Variants in SELE observed in about 807,000 individuals in gnomAD.
SELE encodes selectin E, also known as E-selectin.
Under a neutral mutation model 75.8 loss-of-function variants are expected in SELE, and 52 were observed. The ratio of observed to expected loss-of-function variants is 0.69; its 90% CI spans 0.55 to 0.86. The LOEUF (loss-of-function observed/expected upper bound fraction) is 0.86. Among genes scored for constraint, SELE ranks in the 40% least tolerant of loss-of-function variants. The pLI is 0.00. For synonymous variants in SELE, 285 were observed against 258.7 expected, an observed-to-expected ratio of 1.10 and a Z score of -0.98; for missense variants, 754 against 732.7, an observed-to-expected ratio of 1.03 and a Z score of -0.34.
chr1:169,726,155 G>A (rs949436305), intron 11 of SELE, among the ~76,000 whole-genome samples: 6 of 152,142 alleles, frequency 3.9e-5, no homozygotes, highest in African/African-American at 1.2e-4. Flanking sequence ...AAATAGCTAC[G>A]GGGTCATCTT....
At chr1:169,724,910 TA>T (rs533957708) in intron 13 of SELE, among the ~76,000 whole-genome samples, 11 of 152,318 alleles carry the variant, frequency 7.2e-5, no homozygotes, top group African/African-American at 2.6e-4. Context: ...TTTAATTTTT[TA>T]AAAAGTATTC....
chr1:169,733,670 TA>T lies in SELE; in HGVS notation c.-48-11del. The T allele has an allele frequency of 6.5e-7, 1 of 1,527,490 alleles. No homozygotes were observed. Among genetic ancestry groups the T allele is most frequent in the Non-Finnish European group, 9.1e-7 (1 of 1,101,484 alleles). The allele number at this position is 1,527,490 out of a possible 1,614,324, so 94.6% of individuals were successfully genotyped here. A position where few individuals can be genotyped will look rare whatever the true frequency, so the allele number is the denominator to read the frequency against. On this transcript the variant is annotated splice_polypyrimidine_tract_variant and intron_variant, in intron 1 of 13. Coordinates refer to ENST00000333360, the MANE Select transcript of SELE (RefSeq NM_000450.2). ...GGCTTGAAATACTTTCCTGGGGAGA[TA>T]AAACACAAAATGAATTAAAGAAGGA...
In SELE at chr1:169,727,912, G is replaced by C. The variant is rs750123573; in HGVS notation, c.1295C>G (p.Ala432Gly). The C allele has an allele frequency of 3.1e-6, 5 of 1,613,448 alleles. No individual in the cohort carries two copies. The East Asian group carries it at 1.1e-4, about 36-fold the overall frequency. The part of the protein sequence containing the change: ...KPTCEAVRCD[A>G]VHQPPKGLVR... ...CAAACCCTTCGGGGGCTGGTGGACA[G>C]CATCGCATCTCACAGCTGGAACACA... Residue 432 changes from alanine to glycine, a missense_variant, in exon 9 of 14, where the codon GCT becomes GGT. Ala to Gly is a moderately conservative substitution (Grantham distance 60). Transcript: ENST00000333360.
chr1:169,732,502 G>T, intron 3 of SELE, 113 bp downstream of exon 3: 1 of 1,302,888 alleles, frequency 7.7e-7, no homozygotes, highest in Non-Finnish European at 1.0e-6. Flanking sequence ...CAGTTAAACA[G>T]AATCTTTTGG....
At position 169,724,505 on chromosome 1, in the gene SELE, T is replaced by C. The variant is rs1187705527; in HGVS notation, c.*20A>G. ...ATCCCTCTAGTTCCCCAGATGCACC[T>C]GTTTCTGTAAATATAAACATGCATG... On this transcript the variant is annotated 3_prime_UTR_variant, in exon 14 of 14. Coordinates refer to ENST00000333360, the MANE Select transcript of SELE (RefSeq NM_000450.2). 3 of 152,224 alleles carry C rather than the reference T, an allele frequency of 2.0e-5. No individual in the cohort carries two copies. The highest frequency in any genetic ancestry group is 4.8e-5 in the African/African-American group (2 of 41,458). 9.4% of individuals were successfully genotyped at this position (152,224 alleles called of 1,614,324 possible).
In SELE at chr1:169,727,393, C is replaced by T; in HGVS notation, c.1601G>A (p.Cys534Tyr). The change falls in exon 10 of 14, where the codon TGT becomes TAT. Residue 534 changes from cysteine to tyrosine, a missense_variant. Coordinates refer to ENST00000333360, the MANE Select transcript of SELE (RefSeq NM_000450.2). ...WTLNGSAART[C>Y]GATGHWSGLL... ...GCCAGACCAGTGTCCTGTGGCTCCA[C>T]ATGTCCGAGCTGCAGAGCCATTGAG... The T allele has an allele frequency of 6.2e-7, 1 of 1,614,142 alleles. No homozygotes were observed. The highest frequency in any genetic ancestry group is 8.5e-7 in the Non-Finnish European group (1 of 1,179,996).
intron 7 of SELE, 23 bp downstream of exon 7, chr1:169,729,163 A>T: frequency 6.4e-7 from 1 of 1,564,176 alleles, no homozygotes; most frequent in East Asian, 2.3e-5. Flanking sequence ...AAGAAAGTAT[A>T]AATCGAAGGA....
chr1:169,733,205 C>T (rs1648961466), intron 2 of SELE, among the ~76,000 whole-genome samples: 1 of 152,176 alleles, frequency 6.6e-6, no homozygotes, highest in South Asian at 2.1e-4. Context: ...GGTACCTTAT[C>T]CACACTCACT....
chr1:169,733,405 C>G lies in SELE; in HGVS notation c.37+171G>C, dbSNP rs189769662. ...CTTTACACTTAAGGAAAGGGAGACA[C>G]CAAGAGGTAAAGTAAATGACCCCAA... On this transcript the variant is annotated intron_variant, in intron 2 of 13. Transcript: ENST00000333360. Among the ~76,000 whole-genome samples the G allele has an allele frequency of 9.9e-5, 15 of 152,224 alleles. No homozygotes were observed. In the East Asian group the frequency reaches 2.5e-3, roughly 26 times the overall value.
In SELE at chr1:169,727,556, C is replaced by G. The variant is rs1361128948; in HGVS notation, c.1469-31G>C. On this transcript the variant is annotated intron_variant, in intron 9 of 13. Transcript: ENST00000333360. Reference sequence around the variant, plus strand: ...AATGTTAGGTACACAGGCAGAGTTTCAGAAAAATCTACTGGAAAACTTCCA... The same window carrying G: ...AATGTTAGGTACACAGGCAGAGTTTGAGAAAAATCTACTGGAAAACTTCCA... 3.1e-6 allele frequency: 5 copies of G among 1,589,122 alleles called. No homozygotes were observed. In the Admixed American group the frequency reaches 5.3e-5, roughly 17 times the overall value.
intron 4 of SELE, 128 bp downstream of exon 4, chr1:169,731,707 C>T (rs1648915971): frequency 1.6e-6 from 1 of 615,160 alleles, no homozygotes; most frequent in African/African-American, 1.9e-5. Flanking sequence ...ATAGTCTCAG[C>T]TCACGATCAC....
rs1295376019 is a variant in SELE at position 169,726,720 on chromosome 1, G to A, written c.1732C>T (p.Leu578Phe). Residue 578 changes from leucine to phenylalanine, a missense_variant, in exon 11 of 14, where the codon CTT (leucine) becomes TTT (phenylalanine). Physicochemically the swap from Leu to Phe is conservative, Grantham distance 22. Coordinates refer to ENST00000333360, the MANE Select transcript of SELE (RefSeq NM_000450.2). ...LLTLAPFLLW[L>F]RKCLRKAKKF... ...TCACCTTTCCGTAAGCATTTCCGAA[G>A]CCAGAGGAGAAATGGTGCTAATGTC... 3.7e-6 allele frequency: 6 copies of A among 1,613,114 alleles called. No individual in the cohort carries two copies. The highest frequency in any genetic ancestry group is 2.7e-5 in the African/African-American group (2 of 75,012).
In SELE at chr1:169,732,814, G is replaced by C; in HGVS notation, c.222C>G (p.Ile74Met). ...SYSPSYYWIG[I>M]RKVNNVWVWV... ...AGACCCACACATTGTTGACTTTTCT[G>C]ATTCCAATCCAGTAATAACTTGGTG... The change falls in exon 3 of 14, where the codon ATC becomes ATG. Residue 74 changes from isoleucine to methionine, a missense_variant. By Grantham distance (10) the Ile-to-Met change is conservative (BLOSUM62 1). Transcript: ENST00000333360. 2 of 1,614,100 alleles carry C rather than the reference G, an allele frequency of 1.2e-6. No homozygotes were observed. Among genetic ancestry groups the C allele is most frequent in the Non-Finnish European group, 8.5e-7 (1 of 1,180,022 alleles).
chr1:169,726,452 T>A (rs538587680), intron 11 of SELE, among the ~76,000 whole-genome samples: 2 of 152,328 alleles, frequency 1.3e-5, no homozygotes, highest in South Asian at 4.1e-4. Context: ...AGGCATCATA[T>A]AATTCAACAT....
chr1:169,726,023 T>C (rs545685732), intron 11 of SELE, 95 bp from the exon 12 acceptor site: 1 of 1,419,710 alleles, frequency 7.0e-7, no homozygotes, highest in Non-Finnish European at 9.9e-7. Context: ...TCATCAAGTG[T>C]TGCAAACTCG....
chr1:169,730,788 A>T (rs1303355272), intron 4 of SELE, among the ~76,000 whole-genome samples, 171 bp from the exon 5 acceptor site: 1 of 152,110 alleles, frequency 6.6e-6, no homozygotes, highest in Non-Finnish European at 1.5e-5. Flanking sequence ...TTTATTCAAG[A>T]AAATGCTGAT....
chr1:169,733,765 G>A, intron 1 of SELE, 105 bp from the exon 2 acceptor site: 7 of 681,086 alleles, frequency 1.0e-5, no homozygotes, highest in South Asian at 3.5e-5. Context: ...TTTGGGCAAA[G>A]GACACTAGTG....
Position 169,733,639 on chromosome 1 carries a change from G to A in SELE, c.-27C>T. On this transcript the variant is annotated 5_prime_UTR_variant, in exon 2 of 14. Coordinates refer to ENST00000333360, the MANE Select transcript of SELE (RefSeq NM_000450.2). ...ACTTCAAGAGTTCTTTTCACCCAAA[G>A]GTTTAGGCTTGAAATACTTTCCTGG... 1.9e-6 allele frequency: 3 copies of A among 1,612,138 alleles called. No individual in the cohort carries two copies. The South Asian group carries it at 3.3e-5, about 18-fold the overall frequency.
intron 8 of SELE, 50 bp downstream of exon 8, chr1:169,728,008 T>A: frequency 6.3e-7 from 1 of 1,581,902 alleles, no homozygotes; most frequent in Non-Finnish European, 8.6e-7. Flanking sequence ...GTTCCCAAGC[T>A]CTTCAATAGT....
Sources: gnomAD v4.1 joint callset for allele counts (sites outside exome capture counted in the v4.1 genomes callset) on GRCh38, gnomAD v4.1.1 for gene constraint, MANE v1.5 for transcripts, NCBI Gene and HGNC (gene_info 2026-07-23, HGNC 2026-07-21) for gene names.